The following PPP3CB variants were observed in gnomAD, a reference collection of about 807,000 sequenced individuals.
PPP3CB encodes serine/threonine-protein phosphatase 2B catalytic subunit beta isoform.
In PPP3CB, 8 loss-of-function variants were observed where a neutral mutation model predicts 66.4. That is an observed-to-expected ratio of 0.12 (90% confidence interval 0.07 to 0.22). PPP3CB has a LOEUF of 0.22. PPP3CB is among the 10% of genes least tolerant of loss of function. PPP3CB has a pLI of 1.00. For synonymous variants in PPP3CB, 208 were observed against 221.2 expected (o/e 0.94, Z 0.53); for missense variants, 319 against 642.5 (o/e 0.50, Z 5.44).
chr10:73,494,483 A>C (rs116121205), intron 1 of PPP3CB, among the ~76,000 whole-genome samples: 7,067 of 151,820 alleles, frequency 0.047, 505 homozygotes, highest in African/African-American at 0.15. Context: ...TTGGTAGAGA[A>C]AAGGTTTCGC....
intron 9 of PPP3CB, among the ~76,000 whole-genome samples, chr10:73,457,260 GA>G (rs35129439): frequency 0.018 from 1,249 of 69,004 alleles, no homozygotes; most frequent in East Asian, 0.043. Context: ...CTCTAAAAAA[GA>G]AAAAAAAAAA....
At chr10:73,450,786 G>A (rs1333403993) in intron 10 of PPP3CB, among the ~76,000 whole-genome samples, 2 of 152,114 alleles carry the variant, frequency 1.3e-5, no homozygotes, top group East Asian at 3.9e-4. Context: ...GAAAACCTGA[G>A]AAATTAGGTG....
intron 8 of PPP3CB, 67 bp from the exon 9 acceptor site, chr10:73,467,745 A>G: frequency 7.2e-7 from 1 of 1,391,764 alleles, no homozygotes; most frequent in Non-Finnish European, 9.7e-7. Context: ...CCTTAAAAAT[A>G]TAAAATACAT....
intron 8 of PPP3CB, among the ~76,000 whole-genome samples, chr10:73,469,509 T>C (rs2056670670): frequency 1.3e-5 from 2 of 152,148 alleles, no homozygotes; most frequent in Non-Finnish European, 2.9e-5. Context: ...ACCACTGCAT[T>C]CCAGCCTGGG....
chr10:73,494,850 CAATCAAGCTACATGGTA>C (rs1345577383), intron 1 of PPP3CB, among the ~76,000 whole-genome samples: 1 of 152,164 alleles, frequency 6.6e-6, no homozygotes, highest in Non-Finnish European at 1.5e-5. Context: ...TTCAATTTAT[CAATCAAGCTACATGGTA>C]AAGAGAATCA....
At chr10:73,489,440 G>A (rs2057037385) in intron 1 of PPP3CB, among the ~76,000 whole-genome samples, 2 of 127,046 alleles carry the variant, frequency 1.6e-5, no homozygotes, top group Admixed American at 1.5e-4. Context: ...AATGGTGATG[G>A]TTACCATTGG....
At chr10:73,459,800 G>A (rs190842004) in intron 9 of PPP3CB, among the ~76,000 whole-genome samples, 8 of 152,260 alleles carry the variant, frequency 5.3e-5, no homozygotes, top group Admixed American at 5.2e-4. Flanking sequence ...GGTTAGCAAG[G>A]GGGGTTAGGG....
intron 1 of PPP3CB, among the ~76,000 whole-genome samples, chr10:73,491,010 T>G (rs1314114962): frequency 6.8e-6 from 1 of 147,610 alleles, no homozygotes; most frequent in Non-Finnish European, 1.5e-5. Context: ...TTTTTGTTTG[T>G]TTGTTTTTAT....
chr10:73,488,848 CTTCAAA>C (rs1035991557), intron 1 of PPP3CB, among the ~76,000 whole-genome samples: 49 of 152,172 alleles, frequency 3.2e-4, no homozygotes, highest in Middle Eastern at 6.8e-3. Flanking sequence ...CCTATTGATT[CTTCAAA>C]TTCAATTTTC....
At chr10:73,452,173 A>G (rs2056357223) in intron 10 of PPP3CB, among the ~76,000 whole-genome samples, 1 of 152,226 alleles carries the variant, frequency 6.6e-6, no homozygotes, top group Non-Finnish European at 1.5e-5. Context: ...AACTTTCTAA[A>G]AAAAAGTAGG....
intron 12 of PPP3CB, chr10:73,444,453 C>A: frequency 1.1e-6 from 1 of 880,756 alleles, no homozygotes; most frequent in Non-Finnish European, 1.7e-6. Context: ...ATATTTCAGA[C>A]ATTATGATAT....
intron 9 of PPP3CB, among the ~76,000 whole-genome samples, chr10:73,463,021 C>A (rs1400563192): frequency 5.7e-5 from 7 of 123,682 alleles, no homozygotes; most frequent in Non-Finnish European, 8.5e-5. Context: ...TTCCAATGAA[C>A]ATGAAGAACA....
At chr10:73,457,673 G>A (rs1044842462) in intron 9 of PPP3CB, among the ~76,000 whole-genome samples, 1 of 151,606 alleles carries the variant, frequency 6.6e-6, no homozygotes. Flanking sequence ...GGGAGGTGGA[G>A]GTTGCAGTGA....
At chr10:73,456,479 T>G (rs1400159501) in intron 9 of PPP3CB, among the ~76,000 whole-genome samples, 2 of 152,192 alleles carry the variant, frequency 1.3e-5, no homozygotes, top group Non-Finnish European at 2.9e-5. Flanking sequence ...AAAAAAGTGA[T>G]GTAGTAGTCA....
intron 3 of PPP3CB, among the ~76,000 whole-genome samples, chr10:73,476,018 A>G (rs1276681475): frequency 1.3e-5 from 2 of 149,198 alleles, no homozygotes; most frequent in African/African-American, 4.9e-5. Flanking sequence ...CACCAGGCCC[A>G]GCTAAGTTTT....
chr10:73,468,939 A>T (rs2056661880), intron 8 of PPP3CB, among the ~76,000 whole-genome samples: 1 of 152,224 alleles, frequency 6.6e-6, no homozygotes, highest in South Asian at 2.1e-4. Context: ...TTATGGATAG[A>T]ATGAAAAATT....
At position 73,441,754 on chromosome 10, in the gene PPP3CB, A is replaced by G. The variant is rs568033937; in HGVS notation, c.1367-1853T>C. 2.6e-5 allele frequency among the ~76,000 whole-genome samples: 4 copies of G among 152,340 alleles called. No individual in the cohort carries two copies. The South Asian group carries it at 8.3e-4, about 32-fold the overall frequency. ...TAGATCCTGGTGAGGGTAGCATTAC[A>G]GTGCTAGCTCCCAATCAAATTTCCC... On this transcript the variant is annotated intron_variant, in intron 12 of 13. Transcript: ENST00000360663.
intron 1 of PPP3CB, among the ~76,000 whole-genome samples, chr10:73,486,383 G>A (rs567521921): frequency 5.2e-5 from 7 of 134,310 alleles, no homozygotes; most frequent in East Asian, 2.6e-4. Context: ...TCAGCTCACC[G>A]CAACGTCTGC....
intron 8 of PPP3CB, among the ~76,000 whole-genome samples, chr10:73,468,202 G>A (rs915318882): frequency 3.3e-5 from 5 of 151,896 alleles, no homozygotes; most frequent in African/African-American, 7.3e-5. Flanking sequence ...ATTTAATATG[G>A]AAAATCAGAC....
Sources: allele counts gnomAD v4.1 joint callset (sites outside exome capture counted in the v4.1 genomes callset), GRCh38; gene constraint gnomAD v4.1.1; transcripts MANE v1.5; gene names NCBI Gene and HGNC (gene_info 2026-07-23, HGNC 2026-07-21).